WWOX: variants seen among roughly 807,000 people sequenced by gnomAD.
The protein encoded by WWOX is WW domain-containing oxidoreductase.
A neutral mutation model predicts 46.2 loss-of-function variants in WWOX; 69 were observed. The ratio of observed to expected loss-of-function variants is 1.49; its 90% CI spans 1.23 to 1.82. The LOEUF (loss-of-function observed/expected upper bound fraction) is 1.82. Ranked by LOEUF, WWOX falls within the 40% of genes most tolerant of loss-of-function variation. WWOX has a pLI of 0.00. For synonymous variants in WWOX, 359 were observed against 202.6 expected, an observed-to-expected ratio of 1.77 and a Z score of -6.56; for missense variants, 919 against 542.6, an observed-to-expected ratio of 1.69 and a Z score of -6.89.
Position 78,788,127 on chromosome 16 carries a change from T to C in WWOX, c.1056+355375T>C, listed in dbSNP as rs148933646. Among the ~76,000 whole-genome samples the C allele has an allele frequency of 3.9e-3, 594 of 152,338 alleles. 3 individuals carry two copies. The highest frequency in any genetic ancestry group is 0.013 in the African/African-American group (561 of 41,584). ...TTACTCTTTTTATAGTGTCTTTTGATGAACAAAGATTTTAAATCTTGATGA... is the reference window on the plus strand; with the variant it reads ...TTACTCTTTTTATAGTGTCTTTTGACGAACAAAGATTTTAAATCTTGATGA... On this transcript the variant is annotated intron_variant, in intron 8 of 8. Transcript: ENST00000566780.
At chr16:78,669,124 G>T (rs1488713434) in intron 8 of WWOX, among the ~76,000 whole-genome samples, 1 of 151,720 alleles carries the variant, frequency 6.6e-6, no homozygotes, top group Admixed American at 6.6e-5. Context: ...CCGTTGCTGT[G>T]GCCCCATCTC....
intron 8 of WWOX, among the ~76,000 whole-genome samples, chr16:79,073,844 A>G (rs2048598074): frequency 6.6e-6 from 1 of 152,208 alleles, no homozygotes; most frequent in South Asian, 2.1e-4. Context: ...ACTATTTGTC[A>G]AAATTAAGCT....
At chr16:78,258,837 A>G (rs1450612977) in intron 5 of WWOX, among the ~76,000 whole-genome samples, 2 of 152,100 alleles carry the variant, frequency 1.3e-5, no homozygotes, top group African/African-American at 4.8e-5. Context: ...CATTTATGGA[A>G]CAGTTAAGAC....
At chr16:78,330,103 C>T (rs540453089) in intron 5 of WWOX, among the ~76,000 whole-genome samples, 25 of 152,180 alleles carry the variant, frequency 1.6e-4, no homozygotes, top group East Asian at 3.9e-4. Flanking sequence ...TTGTCCTTAA[C>T]GCGTAAATGT....
chr16:78,527,267 T>A (rs1391491688), intron 8 of WWOX, among the ~76,000 whole-genome samples: 1 of 151,678 alleles, frequency 6.6e-6, no homozygotes, highest in East Asian at 2.0e-4. Context: ...ACCTTTCCAT[T>A]TGACTTGTAT....
At chr16:78,278,750 T>A in intron 5 of WWOX, 2 of 1,159,450 alleles carry the variant, frequency 1.7e-6, no homozygotes, top group African/African-American at 3.1e-5. Flanking sequence ...TTGACTTCTA[T>A]CTCGGTGATC....
chr16:78,958,802 G>C (rs2046218874), intron 8 of WWOX, among the ~76,000 whole-genome samples: 1 of 152,160 alleles, frequency 6.6e-6, no homozygotes, highest in Non-Finnish European at 1.5e-5. Flanking sequence ...GGACATGGTT[G>C]GGGTAGTGGG....
chr16:78,580,690 T>C (rs768932799), intron 8 of WWOX, among the ~76,000 whole-genome samples: 2 of 152,222 alleles, frequency 1.3e-5, no homozygotes, highest in Non-Finnish European at 2.9e-5. Flanking sequence ...TATGAAAAAT[T>C]TGAAGTTAAA....
At chr16:79,031,931 T>C (rs952369986) in intron 8 of WWOX, among the ~76,000 whole-genome samples, 2 of 76,740 alleles carry the variant, frequency 2.6e-5, no homozygotes, top group African/African-American at 6.5e-5. Flanking sequence ...TATATAGATA[T>C]CTGTATACAG....
chr16:79,189,298 C>A (rs139819455), intron 8 of WWOX, among the ~76,000 whole-genome samples: 71 of 151,958 alleles, frequency 4.7e-4, no homozygotes, highest in African/African-American at 1.6e-3. Context: ...CACTTTGTCA[C>A]CCAGGCTGGA....
chr16:78,879,306 C>T (rs1462828052), intron 8 of WWOX, among the ~76,000 whole-genome samples: 2 of 152,146 alleles, frequency 1.3e-5, no homozygotes, highest in Non-Finnish European at 2.9e-5. Context: ...ACCGTAAGAG[C>T]TTGATAAATG....
chr16:78,441,820 G>T (rs2083450709), intron 8 of WWOX, among the ~76,000 whole-genome samples: 1 of 152,010 alleles, frequency 6.6e-6, no homozygotes, highest in East Asian at 1.9e-4. Flanking sequence ...TTATTGGCTT[G>T]CAGTAGAAAT....
chr16:78,571,889 C>T (rs1265339882), intron 8 of WWOX, among the ~76,000 whole-genome samples: 1 of 152,064 alleles, frequency 6.6e-6, no homozygotes, highest in Non-Finnish European at 1.5e-5. Context: ...GCTGTTAATA[C>T]AACAATGATA....
intron 8 of WWOX, among the ~76,000 whole-genome samples, chr16:78,636,531 T>C (rs991714033): frequency 6.6e-6 from 1 of 152,002 alleles, no homozygotes. Context: ...GAAAATAGAG[T>C]AGCTGCCCTC....
rs544156006 is a variant in WWOX at position 79,015,877 on chromosome 16, G to A, written c.1057-195731G>A. Among the ~76,000 whole-genome samples, 16 of 152,216 alleles carry A rather than the reference G, an allele frequency of 1.1e-4. No homozygotes were observed. In the East Asian group the frequency reaches 2.5e-3, roughly 24 times the overall value. ...TGTGATTGTCCTGCCTCAGACTCCC[G>A]AGTAGCTGGTACTAAGGCATGTGCC... is the stretch of plus-strand genomic sequence containing the variant. On this transcript the variant is annotated intron_variant, in intron 8 of 8. Transcript: ENST00000566780.
At chr16:78,523,587 G>A (rs1410066575) in intron 8 of WWOX, among the ~76,000 whole-genome samples, 1 of 152,220 alleles carries the variant, frequency 6.6e-6, no homozygotes, top group African/African-American at 2.4e-5. Flanking sequence ...GGAGGTGGGG[G>A]AAGAGTTATT....
intron 8 of WWOX, among the ~76,000 whole-genome samples, chr16:78,917,956 C>T (rs540096618): frequency 6.6e-6 from 1 of 152,054 alleles, no homozygotes; most frequent in Non-Finnish European, 1.5e-5. Flanking sequence ...AATCTTAGCA[C>T]TTTGGGAAGT....
At chr16:78,548,144 G>C (rs1224383890) in intron 8 of WWOX, among the ~76,000 whole-genome samples, 2 of 98,670 alleles carry the variant, frequency 2.0e-5, no homozygotes, top group African/African-American at 8.0e-5. Context: ...GACAGAGCAA[G>C]ACTGTCTCAA....
chr16:79,128,854 T>C lies in WWOX; in HGVS notation c.1057-82754T>C, dbSNP rs577440760. The stretch of plus-strand genomic sequence containing the variant: ...TAGAACACTCTGCAGAGTATGAAGG[T>C]TGTGATTCAGTTGCCCAAGCAGTAA... On this transcript the variant is annotated intron_variant, in intron 8 of 8. Transcript: ENST00000566780. 2.0e-5 allele frequency among the ~76,000 whole-genome samples: 3 copies of C among 152,176 alleles called. No homozygotes were observed. The South Asian group carries it at 6.2e-4, about 32-fold the overall frequency.
Sources: allele counts gnomAD v4.1 joint callset (sites outside exome capture counted in the v4.1 genomes callset), GRCh38; gene constraint gnomAD v4.1.1; transcripts MANE v1.5; gene names NCBI Gene and HGNC (gene_info 2026-07-23, HGNC 2026-07-21).